The following CUL7 variants were observed in gnomAD, a reference collection of about 807,000 sequenced individuals.
The protein encoded by CUL7 is cullin-7.
A neutral mutation model predicts 177.7 loss-of-function variants in CUL7; 96 were observed. The ratio of observed to expected loss-of-function variants is 0.54; its 90% CI spans 0.46 to 0.64. The LOEUF (loss-of-function observed/expected upper bound fraction) is 0.64. CUL7 is among the 30% of genes least tolerant of loss of function. The pLI, the probability that CUL7 is intolerant of heterozygous loss-of-function variation, is 0.00. For synonymous variants in CUL7, 824 were observed against 890.2 expected (o/e 0.93, Z 1.32); for missense variants, 1,893 against 2,187.9 (o/e 0.87, Z 2.69).
Position 43,046,515 on chromosome 6 carries a change from G to A in CUL7, c.2484C>T (p.Cys828=). The A allele has an allele frequency of 6.2e-7, 1 of 1,614,186 alleles. No homozygotes were observed. Among genetic ancestry groups the A allele is most frequent in the Non-Finnish European group, 8.5e-7 (1 of 1,180,026 alleles). ...AACACGGCAACAGGCACGAACCCTG[G>A]CACAGGTATCTGAGGAACACATCAA... ...PFFDVFLRYL[C]QGSSVEVKED... The change falls in exon 11 of 26, where the codon TGC becomes TGT. Residue 828 remains cysteine (C), a synonymous_variant. Coordinates refer to ENST00000265348, the MANE Select transcript of CUL7 (RefSeq NM_014780.5).
At position 43,050,928 on chromosome 6, in the gene CUL7, A is replaced by C; in HGVS notation, c.1233+40T>G. On this transcript the variant is annotated intron_variant, in intron 4 of 25. Transcript: ENST00000265348. This position sits in a 1 kb window ranked among gnomAD's most constrained non-coding sequence, Gnocchi z 4.1. ...AAGTCCCAGCTCTGCCCTACCCCAA[A>C]TAGACCCCCAACAGTATCCCACCAC... 6.2e-7 allele frequency: 1 copy of C among 1,611,440 alleles called. No individual in the cohort carries two copies. The highest frequency in any genetic ancestry group is 1.8e-4 in the Middle Eastern group (1 of 5,620).
Position 43,049,441 on chromosome 6 carries a change from C to T in CUL7, c.1791G>A (p.Gln597=), listed in dbSNP as rs766294920. Residue 597 remains glutamine, a synonymous_variant, in exon 7 of 26, where the codon CAG becomes CAA. Transcript: ENST00000265348. The part of the protein sequence containing the change: ...EDVLLLDAQA[Q]AKDSEDAAKV... ...TGGCTGCATCTTCTGAGTCCTTAGC[C>T]TGGGCCTGCGCGTCTAGCAGGAGGA... 6.2e-7 allele frequency: 1 copy of T among 1,614,242 alleles called. No homozygotes were observed. The highest frequency in any genetic ancestry group is 8.5e-7 in the Non-Finnish European group (1 of 1,180,044).
chr6:43,050,158 G>A lies in CUL7; in HGVS notation c.1374C>T (p.Ala458=). 6.2e-7 allele frequency: 1 copy of A among 1,614,186 alleles called. No homozygotes were observed. Among genetic ancestry groups the A allele is most frequent in the South Asian group, 1.1e-5 (1 of 91,084 alleles). ...GAVASRVLGR[A]LPAWRWRPMT... ...TGGGCCTCCAGCGCCAGGCAGGCAG[G>A]GCTGTGAAAATGGGCCAAGGGGCAC... Residue 458 remains alanine, a splice_region_variant and synonymous_variant, in exon 6 of 26, where the codon GCC becomes GCT. Coordinates refer to ENST00000265348, the MANE Select transcript of CUL7 (RefSeq NM_014780.5). The surrounding 1 kb of genome is among the most constrained non-coding windows in gnomAD (Gnocchi z 4.1).
intron 25 of CUL7, 36 bp from the exon 26 acceptor site, chr6:43,038,047 G>T: frequency 6.4e-7 from 1 of 1,568,132 alleles, no homozygotes. Context: ...CGGTAGTTTA[G>T]AGGCAGCTGA....
rs1251275361 is a variant in CUL7, at chr6:43,040,764, C to T, written c.3807-18G>A. On this transcript the variant is annotated intron_variant, in intron 20 of 25. Coordinates refer to ENST00000265348, the MANE Select transcript of CUL7 (RefSeq NM_014780.5). This position sits in a 1 kb window ranked among gnomAD's most constrained non-coding sequence, Gnocchi z 4.2. Reference sequence around the variant, plus strand: ...TGTAGTGCCTGCAGTGCATGCAGCCCGGGCCAAGCCTCAGTGTGGGCACCA... The same window carrying T: ...TGTAGTGCCTGCAGTGCATGCAGCCTGGGCCAAGCCTCAGTGTGGGCACCA... 6.8e-6 allele frequency: 11 copies of T among 1,613,302 alleles called. No individual in the cohort carries two copies. Among genetic ancestry groups the T allele is most frequent in the Non-Finnish European group, 8.5e-6 (10 of 1,179,426 alleles).
At chr6:43,044,610 G>A (rs540547137) in intron 16 of CUL7, 142 bp downstream of exon 16, 3 of 1,193,846 alleles carry the variant, frequency 2.5e-6, no homozygotes, top group Middle Eastern at 3.0e-4. Flanking sequence ...CCTGGGCTGT[G>A]AGAAGACAGC....
At chr6:43,048,743 A>G (rs1764138869) in intron 7 of CUL7, among the ~76,000 whole-genome samples, 174 bp from the exon 8 acceptor site, 1 of 151,852 alleles carries the variant, frequency 6.6e-6, no homozygotes, top group African/African-American at 2.4e-5. Flanking sequence ...ATTGTAAGAC[A>G]GCTTCATGAC....
In CUL7 at chr6:43,040,930, A is replaced by G. The variant is rs1307440778; in HGVS notation, c.3791T>C (p.Phe1264Ser). Residue 1264 changes from phenylalanine (F) to serine (S), a missense_variant, in exon 20 of 26, where the codon TTT becomes TCT. Transcript: ENST00000265348. This position sits in a 1 kb window ranked among gnomAD's most constrained non-coding sequence, Gnocchi z 4.2. The part of the protein sequence containing the change: ...IFSGLEIATT[F>S]EHYYQHYMAD... ...CCACACTCACTGGTAATAATGCTCA[A>G]AAGTGGTGGCTATCTCCAAGCCGGA... The G allele has an allele frequency of 1.2e-6, 2 of 1,613,344 alleles. No individual in the cohort carries two copies. The highest frequency in any genetic ancestry group is 1.7e-6 in the Non-Finnish European group (2 of 1,179,664).
chr6:43,042,054 A>T (rs1763474543), intron 19 of CUL7, among the ~76,000 whole-genome samples: 3 of 147,410 alleles, frequency 2.0e-5, no homozygotes, highest in African/African-American at 7.4e-5. Context: ...AAGGAAAGAA[A>T]GAGAAAGAGA....
Position 43,050,378 on chromosome 6 carries a change from G to A in CUL7, c.1254C>T (p.Gly418=), listed in dbSNP as rs1385968957. The part of the protein sequence containing the change: ...PPVQVFWEST[G]RTYWVHWHML... ...TGTGCCAGTGCACCCAATAGGTGCG[G>A]CCTGTTGACTCCCAAAATACCTGGA... The change falls in exon 5 of 26, where the codon GGC becomes GGT. Residue 418 remains glycine (G), a synonymous_variant. Transcript: ENST00000265348. The surrounding 1 kb of genome is among the most constrained non-coding windows in gnomAD (Gnocchi z 4.1). 2 of 1,614,154 alleles carry A rather than the reference G, an allele frequency of 1.2e-6. No homozygotes were observed. The highest frequency in any genetic ancestry group is 1.7e-5 in the Admixed American group (1 of 60,012).
rs757898438 is a variant in CUL7 at position 43,041,027 on chromosome 6, G to T, written c.3694C>A (p.Arg1232=). 6.2e-7 allele frequency: 1 copy of T among 1,613,948 alleles called. No individual in the cohort carries two copies. Among genetic ancestry groups the T allele is most frequent in the African/African-American group, 1.3e-5 (1 of 75,046 alleles). ...RHIDQQIQGS[R]IGGAQEMERL... Reference sequence around the variant, plus strand: ...TCCATTTCCTGGGCTCCACCGATCCGGCTGCCCTGGATCTGCTGGTCAATG... The same window carrying T: ...TCCATTTCCTGGGCTCCACCGATCCTGCTGCCCTGGATCTGCTGGTCAATG... Residue 1232 remains arginine (R), a synonymous_variant, in exon 20 of 26, where the codon CGG becomes AGG. Transcript: ENST00000265348.
Position 43,052,583 on chromosome 6 carries a change from A to C in CUL7, c.206T>G (p.Met69Arg). The change falls in exon 2 of 26, where the codon ATG (methionine) becomes AGG (arginine). Residue 69 changes from methionine (M) to arginine (R), a missense_variant. Physicochemically the swap from Met to Arg is moderately conservative, Grantham distance 91. Around this residue, in one of 5 missense-constraint regions of CUL7, gnomAD observed 653 missense variants for 725.2 expected, o/e 0.90. Coordinates refer to ENST00000265348, the MANE Select transcript of CUL7 (RefSeq NM_014780.5). The surrounding 1 kb of genome is among the most constrained non-coding windows in gnomAD (Gnocchi z 4.5). ...GTTGGCATAGATCTCATCCTTGGACATCCACAGCAGGATGTGCTCAGCCTT... is the reference window on the plus strand; with the variant it reads ...GTTGGCATAGATCTCATCCTTGGACCTCCACAGCAGGATGTGCTCAGCCTT... ...DCKAEHILLW[M>R]SKDEIYANCH... 1 of 1,614,234 alleles carries C rather than the reference A, an allele frequency of 6.2e-7. No individual in the cohort carries two copies. The highest frequency in any genetic ancestry group is 8.5e-7 in the Non-Finnish European group (1 of 1,180,040).
At chr6:43,039,114 C>T (rs1249463658) in intron 22 of CUL7, 127 bp from the exon 23 acceptor site, 3 of 682,896 alleles carry the variant, frequency 4.4e-6, no homozygotes, top group Non-Finnish European at 5.3e-6. Flanking sequence ...TTTATGGACA[C>T]TGGGGCTTCT....
chr6:43,043,682 G>C lies in CUL7; in HGVS notation c.3173-52C>G. ...GCACAGCCATGTCTGCAGGGAAGTG[G>C]GAGTGGTTGGGCTGAACAGGAGTGT... On this transcript the variant is annotated intron_variant, in intron 16 of 25. Transcript: ENST00000265348. This position sits in a 1 kb window ranked among gnomAD's most constrained non-coding sequence, Gnocchi z 4.2. 1.6e-6 allele frequency: 2 copies of C among 1,238,674 alleles called. No individual in the cohort carries two copies. Among genetic ancestry groups the C allele is most frequent in the Non-Finnish European group, 2.3e-6 (2 of 858,792 alleles). 76.7% of individuals were successfully genotyped at this position (1,238,674 alleles called of 1,614,324 possible). A position where few individuals can be genotyped will look rare whatever the true frequency, so the allele number is the denominator to read the frequency against.
At chr6:43,042,117 GGGAAGGAAGGAA>G (rs1205097372) in intron 19 of CUL7, among the ~76,000 whole-genome samples, 5 of 143,338 alleles carry the variant, frequency 3.5e-5, no homozygotes, top group African/African-American at 1.3e-4. Flanking sequence ...GAGGGAAGGA[GGGAAGGAAGGAA>G]GGAAGGAAGG....
rs759845583 is a variant in CUL7, at chr6:43,038,492, C to A, written c.4568-20G>T. 2 of 1,614,008 alleles carry A rather than the reference C, an allele frequency of 1.2e-6. No individual in the cohort carries two copies. The highest frequency in any genetic ancestry group is 3.3e-4 in the Middle Eastern group (2 of 6,062). On this transcript the variant is annotated intron_variant, in intron 24 of 25. Transcript: ENST00000265348. ...GGACCCCTGAAATAAATGCTGATCA[C>A]TCACTCAGTGGAGAGCCCACGAGGA...
Position 43,046,905 on chromosome 6 carries a change from G to A in CUL7, c.2372C>T (p.Thr791Ile), listed in dbSNP as rs1763962760. 3.1e-6 allele frequency: 5 copies of A among 1,608,524 alleles called. No homozygotes were observed. Among genetic ancestry groups the A allele is most frequent in the African/African-American group, 1.3e-5 (1 of 74,784 alleles). Residue 791 changes from threonine to isoleucine, a missense_variant, in exon 10 of 26, where the codon ACC becomes ATC. By Grantham distance (89) the Thr-to-Ile change is moderately conservative. This residue lies in a region of CUL7 where 973 missense variants were observed against 1,140.9 expected (regional missense o/e 0.85). Transcript: ENST00000265348. ...KHAHLYRKLI[T>I]NILGGCIQMV... ...CTGGATGCAGCCTCCCAGGATGTTG[G>A]TGATGAGTTTGCGGTAGAGGTGGGC...
In CUL7 at chr6:43,037,993, T is replaced by C; in HGVS notation, c.4792A>G (p.Lys1598Glu). The change falls in exon 26 of 26, where the codon AAG becomes GAG. Residue 1598 changes from lysine (K) to glutamate (E), a missense_variant. Lys to Glu is a moderately conservative substitution (Grantham distance 56, BLOSUM62 1). Coordinates refer to ENST00000265348, the MANE Select transcript of CUL7 (RefSeq NM_014780.5). ...AAACCCCTGGGAGGACACGGGCCCT[T>C]CTGCCAAGCCTCCAGCACCTGGTGT... Reference protein sequence around the residue: ...LVCLVLEAWQKGPCPPRGLVS... With the variant: ...LVCLVLEAWQEGPCPPRGLVS... 1 of 1,593,752 alleles carries C rather than the reference T, an allele frequency of 6.3e-7. No individual in the cohort carries two copies. The highest frequency in any genetic ancestry group is 8.6e-7 in the Non-Finnish European group (1 of 1,168,734).
In CUL7 at chr6:43,043,494, G is replaced by C; in HGVS notation, c.3309C>G (p.Val1103=). 1 of 1,614,102 alleles carries C rather than the reference G, an allele frequency of 6.2e-7. No individual in the cohort carries two copies. Among genetic ancestry groups the C allele is most frequent in the Non-Finnish European group, 8.5e-7 (1 of 1,179,974 alleles). The part of the protein sequence containing the change: ...VRRLTHLLVH[V]EPCEAPPPVV... ...CAGGAGGGGGTGCCTCACAGGGCTC[G>C]ACATGCACCAGCAGGTGAGTGAGAC... is the stretch of plus-strand genomic sequence containing the variant. Residue 1103 remains valine, a synonymous_variant, in exon 17 of 26, where the codon GTC becomes GTG. Coordinates refer to ENST00000265348, the MANE Select transcript of CUL7 (RefSeq NM_014780.5). The surrounding 1 kb of genome is among the most constrained non-coding windows in gnomAD (Gnocchi z 4.2).
Sources: gnomAD v4.1 joint callset for allele counts (sites outside exome capture counted in the v4.1 genomes callset) on GRCh38, gnomAD v4.1.1 for gene constraint, gnomAD v4.1.1 regional missense constraint, Gnocchi (gnomAD v3.1) non-coding constraint, MANE v1.5 for transcripts, NCBI Gene and HGNC (gene_info 2026-07-23, HGNC 2026-07-21) for gene names.